SPON2: variants seen among roughly 807,000 people sequenced by gnomAD.
SPON2 encodes the protein spondin-2.
In SPON2, 32 loss-of-function variants were observed where a neutral mutation model predicts 29.9. That is an observed-to-expected ratio of 1.07 (90% CI 0.81 to 1.44). The LOEUF (loss-of-function observed/expected upper bound fraction) is 1.44. Among genes scored for constraint, SPON2 ranks in the 40% most tolerant of loss-of-function variants. SPON2 has a pLI of 0.00. For synonymous variants in SPON2, 248 were observed against 209.1 expected (o/e 1.19, Z -1.61); for missense variants, 541 against 455.5 (o/e 1.19, Z -1.71).
chr4:1,194,941 G>GCTCCAACCTCGCAGCCGGCGA (rs1394136310), intron 1 of SPON2: 1 of 135,962 alleles, frequency 7.4e-6, no homozygotes, highest in Non-Finnish European at 1.6e-5. Context: ...GCAGCCGGCG[G>GCTCCAACCTCGCAGCCGGCGA]CTCCAACCTC....
At chr4:1,187,961 G>A (rs978320000) in intron 1 of SPON2, among the ~76,000 whole-genome samples, 3 of 151,964 alleles carry the variant, frequency 2.0e-5, no homozygotes, top group African/African-American at 7.3e-5. Flanking sequence ...CAGCACTTTG[G>A]GAGGCCAAGG....
Position 1,171,201 on chromosome 4 carries a change from A to G in SPON2, c.445-11T>C, listed in dbSNP as rs1727429159. The G allele has an allele frequency of 1.3e-6, 2 of 1,488,330 alleles. No individual in the cohort carries two copies. Among genetic ancestry groups the G allele is most frequent in the Non-Finnish European group, 1.8e-6 (2 of 1,127,062 alleles). 92.2% of individuals were successfully genotyped at this position (1,488,330 alleles called of 1,614,324 possible). A position where few individuals can be genotyped will look rare whatever the true frequency, so the allele number is the denominator to read the frequency against. ...CACCACAAACGAGACCTGCGGCGAC[A>G]GCGGCTCAGCGCGCCTGGCCCCGGC... On this transcript the variant is annotated splice_polypyrimidine_tract_variant and intron_variant, in intron 3 of 5. Transcript: ENST00000290902.
chr4:1,191,038 A>G (rs960282947), intron 1 of SPON2, among the ~76,000 whole-genome samples: 2 of 152,122 alleles, frequency 1.3e-5, no homozygotes, highest in Admixed American at 6.5e-5. Flanking sequence ...ATTGGTCTAC[A>G]GATTCAATCC....
At chr4:1,181,868 T>G (rs1267348948) in intron 1 of SPON2, among the ~76,000 whole-genome samples, 1 of 152,342 alleles carries the variant, frequency 6.6e-6, no homozygotes, top group East Asian at 1.9e-4. Flanking sequence ...CTTCCCCCAT[T>G]GTTGCAAGCT....
intron 1 of SPON2, among the ~76,000 whole-genome samples, chr4:1,190,067 C>G (rs1281583681): frequency 6.6e-6 from 1 of 150,874 alleles, no homozygotes; most frequent in Non-Finnish European, 1.5e-5. Flanking sequence ...AGAGAAGACT[C>G]AAATTTACTA....
rs769637117 is a variant in SPON2 at position 1,167,549 on chromosome 4, C to T, written c.919G>A (p.Val307Ile). 2 of 1,613,632 alleles carry T rather than the reference C, an allele frequency of 1.2e-6. No individual in the cohort carries two copies. The highest frequency in any genetic ancestry group is 1.7e-6 in the Non-Finnish European group (2 of 1,180,014). The change falls in exon 6 of 6, where the codon GTC becomes ATC. Residue 307 changes from valine to isoleucine, a missense_variant. Coordinates refer to ENST00000290902, the MANE Select transcript of SPON2 (RefSeq NM_012445.4). ...GTKSRTRYVR[V>I]QPANNGSPCP... is the part of the protein sequence containing the mutation. ...GGGCTCCCGTTGTTGGCGGGCTGGA[C>T]CCGGACGTAGCGAGTCCTGCTCTTG...
upstream of SPON2, among the ~76,000 whole-genome samples, chr4:1,198,056 A>AAC (rs1384540143): frequency 6.6e-6 from 1 of 151,662 alleles, no homozygotes; most frequent in South Asian, 2.1e-4. Context: ...TCAAAAAAAA[A>AAC]AAAAAACTAA....
chr4:1,206,953 G>A lies in SPON2; in HGVS notation c.-234+927C>T, dbSNP rs183836946. On this transcript the variant is annotated intron_variant, in intron 1 of 3. Coordinates refer to the SPON2 transcript ENST00000509233. ...AGGAGAAGAGGCAGTGGGGGCAGGTGTGGGGCAGGTGTGGGGCAATTGGAG... is the reference window on the plus strand; with the variant it reads ...AGGAGAAGAGGCAGTGGGGGCAGGTATGGGGCAGGTGTGGGGCAATTGGAG... Among the ~76,000 whole-genome samples the A allele has an allele frequency of 2.8e-3, 423 of 150,892 alleles. 3 individuals carry two copies. The highest frequency in any genetic ancestry group is 0.017 in the Middle Eastern group (5 of 290).
chr4:1,186,088 C>CA (rs368571371), intron 1 of SPON2, among the ~76,000 whole-genome samples: 33,377 of 143,484 alleles, frequency 0.23, 5,167 homozygotes, highest in East Asian at 0.39. Flanking sequence ...ACTAAAAATA[C>CA]AAAAAATTAG....
intron 1 of SPON2, among the ~76,000 whole-genome samples, chr4:1,185,708 CAA>C (rs58836347): frequency 2.9e-5 from 2 of 69,648 alleles, no homozygotes; most frequent in South Asian, 9.9e-4. Context: ...ACTCCATCTC[CAA>C]AAAAAAAAAG....
chr4:1,171,293 C>T lies in SPON2; in HGVS notation c.414G>A (p.Ala138=), dbSNP rs1368215947. ...AGTGCCTGCGCTGCACCTCCAGCTC[C>T]GCCGACGTCTGCCCGGTGCCGCTGG... is the stretch of plus-strand genomic sequence containing the variant. ...AVPSGTGQTS[A]ELEVQRRHSL... is the part of the protein sequence containing the mutation. Residue 138 remains alanine, a synonymous_variant, in exon 3 of 6, where the codon GCG becomes GCA. Coordinates refer to ENST00000290902, the MANE Select transcript of SPON2 (RefSeq NM_012445.4). 4.4e-6 allele frequency: 7 copies of T among 1,579,774 alleles called. No homozygotes were observed. Among genetic ancestry groups the T allele is most frequent in the East Asian group, 2.3e-5 (1 of 43,022 alleles).
At chr4:1,194,954 AGCCGGC>A (rs1429139796) in intron 1 of SPON2, 2 of 138,534 alleles carry the variant, frequency 1.4e-5, no homozygotes, top group East Asian at 2.2e-4. Context: ...CCAACCTCGC[AGCCGGC>A]GACTCCAACC....
At chr4:1,189,288 T>G (rs1727858349) in intron 1 of SPON2, among the ~76,000 whole-genome samples, 1 of 150,320 alleles carries the variant, frequency 6.7e-6, no homozygotes, top group South Asian at 2.1e-4. Flanking sequence ...AACAGCACAG[T>G]AAGTCAAAGC....
intron 1 of SPON2, among the ~76,000 whole-genome samples, chr4:1,185,241 C>G (rs1041173531): frequency 4.6e-5 from 7 of 151,436 alleles, no homozygotes; most frequent in Non-Finnish European, 1.0e-4. Flanking sequence ...TGGCTAATTT[C>G]TTTTTTGTAT....
chr4:1,167,707 T>C, intron 5 of SPON2, 51 bp from the exon 6 acceptor site: 1 of 1,530,752 alleles, frequency 6.5e-7, no homozygotes, highest in Non-Finnish European at 8.8e-7. Context: ...GAAGAGGCGC[T>C]TCGTACAAAC....
At chr4:1,193,773 GT>G (rs1193827324) in intron 1 of SPON2, among the ~76,000 whole-genome samples, 1 of 31,380 alleles carries the variant, frequency 3.2e-5, no homozygotes, top group Non-Finnish European at 6.5e-5. Context: ...GACGTGGGGG[GT>G]GGCGTGGGAA....
intron 1 of SPON2, among the ~76,000 whole-genome samples, chr4:1,206,980 T>A (rs1264811825): frequency 7.6e-5 from 1 of 13,154 alleles, no homozygotes; most frequent in Non-Finnish European, 1.4e-4. Flanking sequence ...CAATTGGAGG[T>A]GGGTGGGGGT....
At chr4:1,178,046 G>A (rs765398518), upstream of SPON2, among the ~76,000 whole-genome samples, 5 of 149,920 alleles carry the variant, frequency 3.3e-5, no homozygotes, top group Admixed American at 6.6e-5. Flanking sequence ...CAGGCACCAC[G>A]GGCTCTGCAC....
At chr4:1,170,964 A>C (rs747690203) in intron 4 of SPON2, 35 bp downstream of exon 4, 1 of 1,545,832 alleles carries the variant, frequency 6.5e-7, no homozygotes, top group Admixed American at 2.0e-5. Flanking sequence ...CGCGGGGGCC[A>C]TAGCGGCCCT....
Sources: gnomAD v4.1 joint callset for allele counts (sites outside exome capture counted in the v4.1 genomes callset) on GRCh38, gnomAD v4.1.1 for gene constraint, MANE v1.5 for transcripts, NCBI Gene and HGNC (gene_info 2026-07-23, HGNC 2026-07-21) for gene names.